Variants in INIP observed in about 807,000 individuals in gnomAD.
INIP encodes SOSS complex subunit C.
INIP carries 9 observed loss-of-function variants against 14.0 expected under a neutral mutation model. The ratio of observed to expected loss-of-function variants is 0.64; its 90% CI spans 0.39 to 1.12. The LOEUF (loss-of-function observed/expected upper bound fraction) is 1.12. Among genes scored for constraint, INIP ranks in the 50% most tolerant of loss-of-function variants. INIP has a pLI of 0.01. For synonymous variants in INIP, 37 were observed against 41.5 expected (o/e 0.89, Z 0.41); for missense variants, 78 against 122.7 (o/e 0.64, Z 1.72).
chr9:112,690,316 C>T (rs558852405), intron 3 of INIP, among the ~76,000 whole-genome samples: 1 of 149,582 alleles, frequency 6.7e-6, no homozygotes, highest in South Asian at 2.1e-4. Context: ...TACAGTGAGA[C>T]CCCATCTCTA....
At chr9:112,691,088 A>T (rs1837869574) in intron 3 of INIP, among the ~76,000 whole-genome samples, 1 of 152,228 alleles carries the variant, frequency 6.6e-6, no homozygotes, top group Non-Finnish European at 1.5e-5. Context: ...GACACAACTG[A>T]TGAATGTATT....
chr9:112,695,788 GGGAGGGGGAGGA>G (rs1487093164), intron 2 of INIP, among the ~76,000 whole-genome samples: 9 of 144,380 alleles, frequency 6.2e-5, no homozygotes, highest in African/African-American at 2.3e-4. Flanking sequence ...GAGGGGGAGG[GGGAGGGGGAGGA>G]GGAGGAGGAG....
intron 2 of INIP, chr9:112,701,641 A>G (rs1838303527): frequency 6.6e-6 from 1 of 152,210 alleles, no homozygotes; most frequent in Non-Finnish European, 1.5e-5. Context: ...TTGTATATAT[A>G]CAAATTGCAC....
intron 3 of INIP, 57 bp from the exon 4 acceptor site, chr9:112,689,674 T>C: frequency 2.2e-6 from 3 of 1,333,626 alleles, no homozygotes; most frequent in Non-Finnish European, 3.2e-6. Context: ...CTTACTTTTT[T>C]TTGGATGGTA....
intron 2 of INIP, among the ~76,000 whole-genome samples, chr9:112,695,472 G>A (rs1356370388): frequency 6.6e-6 from 1 of 152,000 alleles, no homozygotes; most frequent in African/African-American, 2.4e-5. Context: ...CCTTGGGAGA[G>A]GAGCAGAGAC....
intron 2 of INIP, among the ~76,000 whole-genome samples, chr9:112,701,317 A>G (rs1378166808): frequency 6.6e-6 from 1 of 152,198 alleles, no homozygotes; most frequent in African/African-American, 2.4e-5. Context: ...CAAAAAACAA[A>G]AATAAAAGCA....
intron 1 of INIP, among the ~76,000 whole-genome samples, chr9:112,716,897 G>A (rs1355107986): frequency 6.6e-6 from 1 of 151,522 alleles, no homozygotes; most frequent in Non-Finnish European, 1.5e-5. Flanking sequence ...GGAGGTTGCA[G>A]TGAGCCGAGA....
chr9:112,714,380 A>G (rs1838741427), intron 2 of INIP, among the ~76,000 whole-genome samples: 1 of 152,248 alleles, frequency 6.6e-6, no homozygotes, highest in Non-Finnish European at 1.5e-5. Flanking sequence ...GGCGTCCTTC[A>G]AGTAGTTAAG....
intron 2 of INIP, among the ~76,000 whole-genome samples, chr9:112,705,803 T>A (rs1381288489): frequency 6.6e-6 from 1 of 152,174 alleles, no homozygotes; most frequent in African/African-American, 2.4e-5. Context: ...GCCCAAATTA[T>A]GTGTGGAAAA....
intron 2 of INIP, among the ~76,000 whole-genome samples, chr9:112,715,389 A>G: frequency 6.6e-6 from 1 of 152,196 alleles, no homozygotes; most frequent in East Asian, 1.9e-4. Flanking sequence ...TTTCTTCAAT[A>G]ATACATTAAC....
rs373351991 is a variant in INIP, at chr9:112,687,554, C to T, written c.299G>A (p.Arg100His). ...FGNLILPVLP[R>H]LDPE ...ATGTTTTCTTCATTCTGGGTCAAGGCGAGGTAAAACAGGAAGAATAAGGTT... is the reference window on the plus strand; with the variant it reads ...ATGTTTTCTTCATTCTGGGTCAAGGTGAGGTAAAACAGGAAGAATAAGGTT... The change falls in exon 5 of 5, where the codon CGC becomes CAC. Residue 100 changes from arginine (R) to histidine (H), a missense_variant. Coordinates refer to ENST00000374242, the MANE Select transcript of INIP (RefSeq NM_021218.3). 1.4e-5 allele frequency: 22 copies of T among 1,605,294 alleles called. No individual in the cohort carries two copies. The highest frequency in any genetic ancestry group is 3.3e-5 in the South Asian group (3 of 90,622).
At chr9:112,717,527 T>TA (rs58903292) in intron 1 of INIP, among the ~76,000 whole-genome samples, 9,337 of 138,618 alleles carry the variant, frequency 0.067, 577 homozygotes, top group African/African-American at 0.16. Flanking sequence ...TACTATTAAT[T>TA]AAAAAAAAAA....
At chr9:112,716,158 C>T (rs986461915) in intron 2 of INIP, among the ~76,000 whole-genome samples, 4 of 152,048 alleles carry the variant, frequency 2.6e-5, no homozygotes, top group Admixed American at 6.6e-5. Context: ...CTGCAACCTC[C>T]GCCTCCTGGG....
At chr9:112,702,384 C>A (rs1305951100) in intron 2 of INIP, among the ~76,000 whole-genome samples, 1 of 151,876 alleles carries the variant, frequency 6.6e-6, no homozygotes, top group Non-Finnish European at 1.5e-5. Flanking sequence ...TTTTCAATGC[C>A]CTTCAACATA....
At chr9:112,710,201 C>T (rs1039847873) in intron 2 of INIP, among the ~76,000 whole-genome samples, 1 of 152,304 alleles carries the variant, frequency 6.6e-6, no homozygotes, top group South Asian at 2.1e-4. Flanking sequence ...AGGAGCCTTG[C>T]CATTCTACTC....
At position 112,712,388 on chromosome 9, in the gene INIP, A is replaced by T. The variant is rs73534710; in HGVS notation, c.25+4073T>A. ...AGAACAAAAATCACAATTTCAGAAG[A>T]ATATAACAGAATCCAGAGTTTCCAC... On this transcript the variant is annotated intron_variant, in intron 2 of 4. Transcript: ENST00000374242. 5.6e-3 allele frequency among the ~76,000 whole-genome samples: 853 copies of T among 152,292 alleles called. 13 individuals carry two copies. Among genetic ancestry groups the T allele is most frequent in the African/African-American group, 0.02 (815 of 41,576 alleles).
intron 2 of INIP, among the ~76,000 whole-genome samples, chr9:112,706,967 A>G (rs1838491575): frequency 6.6e-6 from 1 of 151,978 alleles, no homozygotes; most frequent in Non-Finnish European, 1.5e-5. Flanking sequence ...GCTGGAGTGC[A>G]ATGGCGTGAT....
chr9:112,716,381 T>C (rs1838817063), intron 2 of INIP, 80 bp downstream of exon 2: 1 of 1,301,754 alleles, frequency 7.7e-7, no homozygotes, highest in South Asian at 1.2e-5. Context: ...GTAACTGCCC[T>C]ATGCTAAATT....
Position 112,684,282 on chromosome 9 carries a change from T to C in INIP, c.*3256A>G, listed in dbSNP as rs973617972. On this transcript the variant is annotated 3_prime_UTR_variant, in exon 5 of 5. Coordinates refer to ENST00000374242, the MANE Select transcript of INIP (RefSeq NM_021218.3). ...CAGATGCAGTGGCTCACACCTGTAATCTCAGCACTTTAGGAGGCCAAGGTG... is the reference window on the plus strand; with the variant it reads ...CAGATGCAGTGGCTCACACCTGTAACCTCAGCACTTTAGGAGGCCAAGGTG... 5 of 152,012 alleles carry C rather than the reference T, an allele frequency of 3.3e-5. No individual in the cohort carries two copies. The highest frequency in any genetic ancestry group is 2.6e-4 in the Admixed American group (4 of 15,234). 9.4% of individuals were successfully genotyped at this position (152,012 alleles called of 1,614,324 possible).
Sources: gnomAD v4.1 joint callset for allele counts (sites outside exome capture counted in the v4.1 genomes callset) on GRCh38, gnomAD v4.1.1 for gene constraint, MANE v1.5 for transcripts, NCBI Gene and HGNC (gene_info 2026-07-23, HGNC 2026-07-21) for gene names.